FGGY: variants seen among roughly 807,000 people sequenced by gnomAD.
FGGY encodes the protein FGGY carbohydrate kinase domain containing.
Under a neutral mutation model 71.3 loss-of-function variants are expected in FGGY, and 72 were observed. That is an observed-to-expected ratio of 1.01 (90% confidence interval 0.84 to 1.23). The LOEUF (loss-of-function observed/expected upper bound fraction) is 1.23, where lower values mean the gene tolerates loss of function less well. Ranked by LOEUF, FGGY falls within the 50% of genes most tolerant of loss-of-function variation. The pLI is 0.00. For missense variants in FGGY, 668 were observed against 682.3 expected (o/e 0.98, Z 0.23); for synonymous variants, 251 against 250.3 (o/e 1.00, Z -0.02).
intron 5 of FGGY, among the ~76,000 whole-genome samples, chr1:59,456,271 A>T (rs917169142): frequency 6.6e-6 from 1 of 152,182 alleles, no homozygotes; most frequent in Non-Finnish European, 1.5e-5. Context: ...AATGATAAGG[A>T]GCCTTTTGTT....
In FGGY at chr1:59,457,037, G is replaced by A. The variant is rs1423361582; in HGVS notation, c.631G>A (p.Gly211Ser). 6 of 1,613,930 alleles carry A rather than the reference G, an allele frequency of 3.7e-6. No individual in the cohort carries two copies. In the South Asian group the frequency reaches 6.6e-5, roughly 18 times the overall value. ...GGACGACAGTTTCTGGAAAATGATT[G>A]GTTTGGAAGACTTTGTTGCAGATAA... ...GWDDSFWKMI[G>S]LEDFVADNYS... The change falls in exon 6 of 16, where the codon GGT (glycine) becomes AGT (serine). Residue 211 changes from glycine to serine, a missense_variant. This residue lies in a region of FGGY where 661 missense variants were observed against 661.6 expected (regional missense o/e 1.00). Transcript: ENST00000303721.
At chr1:59,382,724 A>C (rs533932908) in intron 5 of FGGY, among the ~76,000 whole-genome samples, 1 of 152,198 alleles carries the variant, frequency 6.6e-6, no homozygotes, top group Non-Finnish European at 1.5e-5. Flanking sequence ...AAGCAGTGCT[A>C]GTTGTCATGT....
intron 1 of FGGY, among the ~76,000 whole-genome samples, chr1:59,302,507 C>T (rs749168512): frequency 6.6e-5 from 10 of 152,112 alleles, no homozygotes; most frequent in East Asian, 1.9e-4. Context: ...ATGTCCTTTA[C>T]AGCAGCATGG....
chr1:59,518,201 C>T (rs1398751102), intron 7 of FGGY, among the ~76,000 whole-genome samples: 1 of 152,066 alleles, frequency 6.6e-6, no homozygotes, highest in Admixed American at 6.6e-5. Flanking sequence ...TTGAGCCAGT[C>T]TTGCAAAAAG....
At chr1:59,712,946 G>T (rs1425259344) in intron 14 of FGGY, among the ~76,000 whole-genome samples, 1 of 152,144 alleles carries the variant, frequency 6.6e-6, no homozygotes, top group Non-Finnish European at 1.5e-5. Context: ...CTATTGCATT[G>T]TCAGGCTGCA....
intron 8 of FGGY, among the ~76,000 whole-genome samples, chr1:59,594,069 A>C (rs1293077281): frequency 1.3e-5 from 2 of 152,170 alleles, no homozygotes; most frequent in Admixed American, 6.5e-5. Context: ...TAAACATCTG[A>C]TGTCTCTTTA....
At chr1:59,535,153 G>T (rs1392828143) in intron 7 of FGGY, among the ~76,000 whole-genome samples, 1 of 151,546 alleles carries the variant, frequency 6.6e-6, no homozygotes, top group Non-Finnish European at 1.5e-5. Flanking sequence ...CTAGCAAATG[G>T]AAAACAAAAA....
intron 6 of FGGY, among the ~76,000 whole-genome samples, chr1:59,493,355 A>G (rs963260523): frequency 1.3e-5 from 2 of 152,332 alleles, no homozygotes; most frequent in African/African-American, 2.4e-5. Context: ...TAATAAAAGC[A>G]TCATTCACAA....
chr1:59,398,610 G>C (rs768659032), intron 5 of FGGY, among the ~76,000 whole-genome samples: 1 of 152,092 alleles, frequency 6.6e-6, no homozygotes, highest in Non-Finnish European at 1.5e-5. Flanking sequence ...TGACCTTCCT[G>C]TTTACCTCCA....
At chr1:59,430,467 G>A (rs1418177573) in intron 5 of FGGY, among the ~76,000 whole-genome samples, 1 of 152,070 alleles carries the variant, frequency 6.6e-6, no homozygotes, top group Non-Finnish European at 1.5e-5. Context: ...CAGGTGTCAG[G>A]TATGCTCATG....
intron 8 of FGGY, among the ~76,000 whole-genome samples, chr1:59,577,037 G>A (rs2096092489): frequency 6.6e-6 from 1 of 152,138 alleles, no homozygotes; most frequent in Admixed American, 6.5e-5. Context: ...CATTCTCAAA[G>A]CTAGCAAATT....
intron 14 of FGGY, among the ~76,000 whole-genome samples, chr1:59,742,121 CCTT>C (rs1238407211): frequency 4.6e-5 from 7 of 152,202 alleles, no homozygotes; most frequent in African/African-American, 1.7e-4. Flanking sequence ...AAGTAAAATC[CCTT>C]CTTCTGCCTA....
chr1:59,736,817 G>A (rs1035353948), intron 14 of FGGY, among the ~76,000 whole-genome samples: 12 of 152,252 alleles, frequency 7.9e-5, no homozygotes, highest in Non-Finnish European at 5.9e-5. Context: ...GCAGAAATGT[G>A]TATAAGTAAC....
intron 13 of FGGY, among the ~76,000 whole-genome samples, chr1:59,673,230 T>A (rs1320507460): frequency 6.6e-6 from 1 of 152,034 alleles, no homozygotes; most frequent in Non-Finnish European, 1.5e-5. Context: ...GTAAGGAGTG[T>A]TGAGGGAAGT....
intron 9 of FGGY, among the ~76,000 whole-genome samples, chr1:59,625,562 G>A (rs1002733298): frequency 6.6e-6 from 1 of 152,104 alleles, no homozygotes; most frequent in Non-Finnish European, 1.5e-5. Flanking sequence ...AAGACACAGT[G>A]AGTAATTCAA....
chr1:59,336,816 A>G (rs961377559), intron 2 of FGGY, among the ~76,000 whole-genome samples: 1 of 152,012 alleles, frequency 6.6e-6, no homozygotes, highest in African/African-American at 2.4e-5. Flanking sequence ...TACCATCTGA[A>G]CAATGTTGAA....
chr1:59,538,252 A>T (rs1209265476), intron 7 of FGGY, among the ~76,000 whole-genome samples: 1 of 152,116 alleles, frequency 6.6e-6, no homozygotes, highest in Admixed American at 6.5e-5. Flanking sequence ...AATGCTCACC[A>T]TCACTGGCCA....
At chr1:59,448,499 C>A (rs993403687) in intron 5 of FGGY, among the ~76,000 whole-genome samples, 1 of 152,076 alleles carries the variant, frequency 6.6e-6, no homozygotes, top group African/African-American at 2.4e-5. Flanking sequence ...TTCATGCACT[C>A]CAGGAGTCTA....
intron 10 of FGGY, among the ~76,000 whole-genome samples, chr1:59,632,339 G>A (rs1475646551): frequency 6.6e-6 from 1 of 152,152 alleles, no homozygotes; most frequent in Non-Finnish European, 1.5e-5. Context: ...TGTCTTTGTT[G>A]TGCTAGTGCA....
Sources: gnomAD v4.1 joint callset for allele counts (sites outside exome capture counted in the v4.1 genomes callset) on GRCh38, gnomAD v4.1.1 for gene constraint, gnomAD v4.1.1 regional missense constraint, MANE v1.5 for transcripts, NCBI Gene and HGNC (gene_info 2026-07-23, HGNC 2026-07-21) for gene names.